RBFOX1: variants seen among roughly 807,000 people sequenced by gnomAD.
The protein encoded by RBFOX1 is RNA binding fox-1 homolog 1, also known as RNA binding protein fox-1 homolog 1.
In RBFOX1, 8 loss-of-function variants were observed where a neutral mutation model predicts 57.7. The ratio of observed to expected loss-of-function variants is 0.14; its 90% CI spans 0.08 to 0.25. The LOEUF (loss-of-function observed/expected upper bound fraction) is 0.25. Ranked by LOEUF, RBFOX1 falls within the 10% of genes least tolerant of loss-of-function variation. The pLI, the probability that RBFOX1 is intolerant of heterozygous loss-of-function variation, is 1.00. For missense variants in RBFOX1, 611 were observed against 548.5 expected, an observed-to-expected ratio of 1.11 and a Z score of -1.14; for synonymous variants, 326 against 222.4, an observed-to-expected ratio of 1.47 and a Z score of -4.15.
rs1338689503 is a variant in RBFOX1, at chr16:6,281,297, G to T, written c.-126-35698G>T. Among the ~76,000 whole-genome samples the T allele has an allele frequency of 3.3e-5, 5 of 152,088 alleles. 1 individual carries two copies. Among genetic ancestry groups the T allele is most frequent in the African/African-American group, 7.2e-5 (3 of 41,384 alleles). On this transcript the variant is annotated intron_variant, in intron 1 of 15. Coordinates refer to ENST00000550418, the MANE Select transcript of RBFOX1 (RefSeq NM_018723.4). ...ACCTTCAGAGATGGGCACTGTTATTGATCCCATTTTTCAGAGGAGGAAGAT... is the reference window on the plus strand; with the variant it reads ...ACCTTCAGAGATGGGCACTGTTATTTATCCCATTTTTCAGAGGAGGAAGAT...
intron 3 of RBFOX1, among the ~76,000 whole-genome samples, chr16:5,840,194 G>A (rs2056583658): frequency 6.6e-6 from 1 of 152,212 alleles, no homozygotes; most frequent in Non-Finnish European, 1.5e-5. Context: ...CACAAACCCA[G>A]TGACAAATAT....
intron 4 of RBFOX1, among the ~76,000 whole-genome samples, chr16:7,173,449 A>C (rs1056154565): frequency 5.9e-5 from 9 of 152,172 alleles, no homozygotes; most frequent in Admixed American, 3.9e-4. Context: ...AAAGGGAGGC[A>C]CTGGTTTCGA....
At chr16:7,507,595 G>C (rs2073787251) in intron 4 of RBFOX1, among the ~76,000 whole-genome samples, 1 of 116,542 alleles carries the variant, frequency 8.6e-6, no homozygotes, top group Non-Finnish European at 1.7e-5. Flanking sequence ...ACGGAGTCTT[G>C]CTGTGTCACC....
chr16:7,321,706 A>T (rs887115979), intron 4 of RBFOX1, among the ~76,000 whole-genome samples: 3 of 152,256 alleles, frequency 2.0e-5, no homozygotes, highest in African/African-American at 7.2e-5. Context: ...TGGCATATAT[A>T]GTTTATTTTA....
chr16:6,978,891 A>G (rs1017548756), intron 3 of RBFOX1, among the ~76,000 whole-genome samples: 2 of 152,118 alleles, frequency 1.3e-5, no homozygotes, highest in Non-Finnish European at 2.9e-5. Flanking sequence ...ATGCTTTCGG[A>G]TGCTGCAGAG....
At chr16:6,483,338 G>C (rs1212351681) in intron 2 of RBFOX1, 5 of 1,473,548 alleles carry the variant, frequency 3.4e-6, no homozygotes, top group East Asian at 2.5e-5. Flanking sequence ...ACCTGCTGGC[G>C]GTCGTGCCAG....
rs146204228 is a variant in RBFOX1 at position 5,721,753 on chromosome 16, C to T, written c.318+122792C>T. 1.7e-3 allele frequency among the ~76,000 whole-genome samples: 266 copies of T among 152,286 alleles called. 3 individuals carry two copies. The highest frequency in any genetic ancestry group is 0.011 in the East Asian group (55 of 5,190). On this transcript the variant is annotated intron_variant, in intron 3 of 19. Coordinates refer to the RBFOX1 transcript ENST00000641259. ...ACATTTTGGTTCTTTATTATCTGCT[C>T]ATTCTGAATTATTATTCCCTGGATT... is the stretch of plus-strand genomic sequence containing the variant.
intron 2 of RBFOX1, among the ~76,000 whole-genome samples, chr16:6,320,461 A>C (rs2081632020): frequency 6.6e-6 from 1 of 152,160 alleles, no homozygotes; most frequent in Non-Finnish European, 1.5e-5. Context: ...CATGTAACCA[A>C]AAACCACCTG....
chr16:5,346,056 G>A (rs988062557), intron 1 of RBFOX1, among the ~76,000 whole-genome samples: 3 of 152,208 alleles, frequency 2.0e-5, no homozygotes, highest in African/African-American at 7.2e-5. Flanking sequence ...GAACCTGAAA[G>A]GCTCTTTGCC....
At chr16:6,850,438 G>A (rs1352798656) in intron 3 of RBFOX1, among the ~76,000 whole-genome samples, 2 of 152,012 alleles carry the variant, frequency 1.3e-5, no homozygotes, top group African/African-American at 2.4e-5. Flanking sequence ...AGGGGTAAAG[G>A]ATGACAAATG....
At chr16:5,523,208 C>G (rs1186776735) in intron 2 of RBFOX1, among the ~76,000 whole-genome samples, 3 of 152,154 alleles carry the variant, frequency 2.0e-5, no homozygotes, top group Non-Finnish European at 2.9e-5. Flanking sequence ...GTTGCTTGAA[C>G]CTGGGAGGCA....
At chr16:5,790,041 C>G (rs890597906) in intron 3 of RBFOX1, among the ~76,000 whole-genome samples, 1 of 152,220 alleles carries the variant, frequency 6.6e-6, no homozygotes, top group Non-Finnish European at 1.5e-5. Context: ...GGGTGTGGAG[C>G]TGGCACCCAA....
In RBFOX1 at chr16:6,917,841, A is replaced by T. The variant is rs576117225; in HGVS notation, c.-15-134216A>T. ...AGAACAGGGCCCTGGGGGAGACATCATCCTTTGTCAGAAATCCTGGAAAAA... is the reference window on the plus strand; with the variant it reads ...AGAACAGGGCCCTGGGGGAGACATCTTCCTTTGTCAGAAATCCTGGAAAAA... On this transcript the variant is annotated intron_variant, in intron 3 of 15. Transcript: ENST00000550418. Among the ~76,000 whole-genome samples the T allele has an allele frequency of 2.0e-5, 3 of 152,276 alleles. No homozygotes were observed. The South Asian group carries it at 6.2e-4, about 32-fold the overall frequency.
rs112606930 is a variant in RBFOX1, at chr16:6,327,615, A to G, written c.-64+10558A>G. On this transcript the variant is annotated intron_variant, in intron 2 of 15. Transcript: ENST00000550418. ...GGCAATGACTTTGCAATTAGGAGTC[A>G]AATAGAATCTATACCTTCAAGAAAC... Among the ~76,000 whole-genome samples the G allele has an allele frequency of 7.5e-3, 1,136 of 152,298 alleles. 10 individuals carry two copies. The highest frequency in any genetic ancestry group is 0.024 in the African/African-American group (1,003 of 41,578).
At chr16:6,470,702 T>G (rs2095154194) in intron 2 of RBFOX1, among the ~76,000 whole-genome samples, 2 of 152,220 alleles carry the variant, frequency 1.3e-5, no homozygotes, top group Non-Finnish European at 2.9e-5. Flanking sequence ...CCCCTGAACC[T>G]GGTCATCGAT....
At chr16:5,977,544 C>A (rs990848046) in intron 4 of RBFOX1, among the ~76,000 whole-genome samples, 2 of 152,172 alleles carry the variant, frequency 1.3e-5, no homozygotes, top group Non-Finnish European at 2.9e-5. Context: ...TCCATGGAAA[C>A]CAGGTGACTG....
At chr16:7,654,355 G>A (rs1487669574) in intron 12 of RBFOX1, among the ~76,000 whole-genome samples, 1 of 152,078 alleles carries the variant, frequency 6.6e-6, no homozygotes, top group East Asian at 1.9e-4. Flanking sequence ...AAATCACTGG[G>A]GTCGTCTTGC....
At chr16:5,723,721 G>A (rs2052024764) in intron 3 of RBFOX1, among the ~76,000 whole-genome samples, 1 of 152,168 alleles carries the variant, frequency 6.6e-6, no homozygotes, top group South Asian at 2.1e-4. Context: ...TGGGCTGGAT[G>A]GTGTCTGAGG....
At chr16:6,039,756 A>G (rs2095416027) in intron 1 of RBFOX1, among the ~76,000 whole-genome samples, 1 of 152,218 alleles carries the variant, frequency 6.6e-6, no homozygotes, top group Admixed American at 6.5e-5. Context: ...ATAGCTGCAT[A>G]ACAAATTAAT....
Sources: gnomAD v4.1 joint callset for allele counts (sites outside exome capture counted in the v4.1 genomes callset) on GRCh38, gnomAD v4.1.1 for gene constraint, MANE v1.5 for transcripts, NCBI Gene and HGNC (gene_info 2026-07-23, HGNC 2026-07-21) for gene names.